The following RBFOX1 variants were observed in gnomAD, a reference collection of about 807,000 sequenced individuals.
RBFOX1 encodes the protein RNA binding protein fox-1 homolog 1.
A neutral mutation model predicts 57.7 loss-of-function variants in RBFOX1; 8 were observed. That is an observed-to-expected ratio of 0.14 (90% CI 0.08 to 0.25). The LOEUF (loss-of-function observed/expected upper bound fraction) is 0.25, where lower values mean the gene tolerates loss of function less well. Ranked by LOEUF, RBFOX1 falls within the 10% of genes least tolerant of loss-of-function variation. RBFOX1 has a pLI of 1.00. For missense variants in RBFOX1, 611 were observed against 548.5 expected (o/e 1.11, Z -1.14); for synonymous variants, 326 against 222.4 (o/e 1.47, Z -4.15).
intron 3 of RBFOX1, among the ~76,000 whole-genome samples, chr16:6,808,614 A>C (rs927207411): frequency 7.2e-5 from 11 of 152,152 alleles, no homozygotes; most frequent in African/African-American, 2.7e-4. Context: ...TTGTTATTTT[A>C]ATGTAAATTT....
intron 7 of RBFOX1, among the ~76,000 whole-genome samples, chr16:7,588,189 C>T (rs1217516076): frequency 2.6e-5 from 4 of 152,086 alleles, no homozygotes; most frequent in African/African-American, 7.2e-5. Context: ...CAAAAATAAG[C>T]AAATAAACAA....
intron 4 of RBFOX1, among the ~76,000 whole-genome samples, chr16:7,082,458 T>C (rs2059345501): frequency 6.6e-6 from 1 of 151,728 alleles, no homozygotes; most frequent in African/African-American, 2.4e-5. Flanking sequence ...GGCATGCACC[T>C]GTGGTCCCAG....
chr16:5,763,921 G>A (rs1021301970), intron 3 of RBFOX1, among the ~76,000 whole-genome samples: 1 of 152,056 alleles, frequency 6.6e-6, no homozygotes, highest in African/African-American at 2.4e-5. Flanking sequence ...TCCCGCCCTG[G>A]CATTATATTA....
At chr16:6,177,941 C>G (rs1046972637) in intron 1 of RBFOX1, among the ~76,000 whole-genome samples, 2 of 130,618 alleles carry the variant, frequency 1.5e-5, no homozygotes, top group East Asian at 4.1e-4. Context: ...AAAAAAAGAG[C>G]CTTTTCACAT....
intron 2 of RBFOX1, among the ~76,000 whole-genome samples, chr16:6,608,764 C>G (rs1002912214): frequency 3.9e-5 from 6 of 152,188 alleles, no homozygotes; most frequent in African/African-American, 1.4e-4. Context: ...AGAGCAAGAG[C>G]TTGTCTCAAA....
chr16:7,207,536 A>G (rs948859602), intron 4 of RBFOX1, among the ~76,000 whole-genome samples: 2 of 152,226 alleles, frequency 1.3e-5, no homozygotes, highest in Non-Finnish European at 1.5e-5. Context: ...GAATATTGAC[A>G]GAATGAAGAC....
intron 4 of RBFOX1, among the ~76,000 whole-genome samples, chr16:7,172,285 T>G (rs551573103): frequency 1.3e-4 from 20 of 152,270 alleles, no homozygotes; most frequent in Non-Finnish European, 2.8e-4. Flanking sequence ...AAAAAACCAC[T>G]TCTTTCATGT....
intron 1 of RBFOX1, among the ~76,000 whole-genome samples, chr16:6,176,126 T>A (rs1567617015): frequency 6.6e-6 from 1 of 151,942 alleles, no homozygotes; most frequent in Non-Finnish European, 1.5e-5. Context: ...AGCCCTAAAT[T>A]ACTACACATC....
At chr16:7,002,982 A>AT (rs1555746851) in intron 3 of RBFOX1, among the ~76,000 whole-genome samples, 1 of 151,458 alleles carries the variant, frequency 6.6e-6, no homozygotes, top group Non-Finnish European at 1.5e-5. Flanking sequence ...TATTACAGTT[A>AT]TTTTCTCCAA....
At chr16:7,631,151 C>G (rs1204883901) in intron 11 of RBFOX1, among the ~76,000 whole-genome samples, 1 of 144,518 alleles carries the variant, frequency 6.9e-6, no homozygotes, top group African/African-American at 2.7e-5. Flanking sequence ...CTGTCCTTTG[C>G]TATGTAATTC....
Position 7,122,707 on chromosome 16 carries a change from C to T in RBFOX1, c.27+70609C>T, listed in dbSNP as rs555462700. ...TATGCTTATCATAGAGCCTAGCAAT[C>T]CTACTCCTGGGTTCCTTACCCAAAG... On this transcript the variant is annotated intron_variant, in intron 4 of 15. Coordinates refer to ENST00000550418, the MANE Select transcript of RBFOX1 (RefSeq NM_018723.4). Among the ~76,000 whole-genome samples, 287 of 152,202 alleles carry T rather than the reference C, an allele frequency of 1.9e-3. 1 individual carries two copies. In the Middle Eastern group the frequency reaches 0.02, roughly 11 times the overall value.
chr16:7,581,987 G>T (rs1475068930), intron 6 of RBFOX1, among the ~76,000 whole-genome samples: 1 of 151,800 alleles, frequency 6.6e-6, no homozygotes, highest in Non-Finnish European at 1.5e-5. Context: ...AATGTGCTGG[G>T]ATTACAGCAT....
chr16:6,977,619 C>A (rs1266736653), intron 3 of RBFOX1, among the ~76,000 whole-genome samples: 1 of 152,116 alleles, frequency 6.6e-6, no homozygotes, highest in Non-Finnish European at 1.5e-5. Flanking sequence ...TCCAAGCTTC[C>A]AAACGGCAGG....
intron 1 of RBFOX1, among the ~76,000 whole-genome samples, chr16:5,461,124 G>C (rs984910110): frequency 6.6e-6 from 1 of 152,166 alleles, no homozygotes. Context: ...GCAGACTGGA[G>C]AGGAAAACAG....
Position 6,940,848 on chromosome 16 carries a change from AGTCTGT to A in RBFOX1, c.-15-111206_-15-111201del, listed in dbSNP as rs1318289242. 2.8e-3 allele frequency among the ~76,000 whole-genome samples: 165 copies of A among 58,482 alleles called. 2 individuals carry two copies. Among genetic ancestry groups the A allele is most frequent in the East Asian group, 6.3e-3 (13 of 2,068 alleles). 38.4% of individuals were successfully genotyped at this position (58,482 alleles called of 152,430 possible). On this transcript the variant is annotated intron_variant, in intron 3 of 15. Coordinates refer to ENST00000550418, the MANE Select transcript of RBFOX1 (RefSeq NM_018723.4). ...CAGGCGCCTGCCACCATGTCCGGCT[AGTCTGT>A]GTGTGTGTGTGTGTGTGTGTGTGTG...
chr16:6,547,389 C>T (rs1040961117), intron 2 of RBFOX1, among the ~76,000 whole-genome samples: 8 of 152,142 alleles, frequency 5.3e-5, no homozygotes, highest in African/African-American at 1.7e-4. Flanking sequence ...AACTAAGAAA[C>T]TGGTAATAAA....
At chr16:6,153,516 G>C (rs1336675768) in intron 1 of RBFOX1, among the ~76,000 whole-genome samples, 2 of 151,680 alleles carry the variant, frequency 1.3e-5, no homozygotes, top group South Asian at 2.1e-4. Flanking sequence ...CTTCCTCCAA[G>C]TTCCCAAAGT....
upstream of RBFOX1, among the ~76,000 whole-genome samples, chr16:6,015,938 G>A (rs1395084730): frequency 6.6e-6 from 1 of 152,180 alleles, no homozygotes; most frequent in Non-Finnish European, 1.5e-5. Context: ...TTACATGGGG[G>A]ACTAGCCTCA....
chr16:5,398,940 T>G (rs919108053), intron 1 of RBFOX1, among the ~76,000 whole-genome samples: 1 of 152,216 alleles, frequency 6.6e-6, no homozygotes, highest in Non-Finnish European at 1.5e-5. Flanking sequence ...GTGGCTGCGA[T>G]TGGTGTCTGA....
Sources: allele counts gnomAD v4.1 joint callset (sites outside exome capture counted in the v4.1 genomes callset), GRCh38; gene constraint gnomAD v4.1.1; transcripts MANE v1.5; gene names NCBI Gene and HGNC (gene_info 2026-07-23, HGNC 2026-07-21).